Variants in HIP1 observed in about 807,000 individuals in gnomAD.
HIP1 encodes huntingtin interacting protein 1, also known as huntingtin-interacting protein 1.
In HIP1, 65 loss-of-function variants were observed where a neutral mutation model predicts 147.6. The ratio of observed to expected loss-of-function variants is 0.44; its 90% CI spans 0.36 to 0.54. The LOEUF is 0.54. Ranked by LOEUF, HIP1 falls within the 20% of genes least tolerant of loss-of-function variation. The pLI, the probability that HIP1 is intolerant of heterozygous loss-of-function variation, is 0.00. For missense variants in HIP1, 1,061 were observed against 1,299.6 expected (o/e 0.82, Z 2.82); for synonymous variants, 479 against 504.0 (o/e 0.95, Z 0.67).
intron 1 of HIP1, among the ~76,000 whole-genome samples, chr7:75,703,870 C>A (rs1421910192): frequency 6.6e-6 from 1 of 152,174 alleles, no homozygotes; most frequent in Non-Finnish European, 1.5e-5. Context: ...AAAGTTGAGA[C>A]CACTGACTGT....
At chr7:75,567,960 C>G (rs1554495879) in intron 9 of HIP1, among the ~76,000 whole-genome samples, 1 of 152,092 alleles carries the variant, frequency 6.6e-6, no homozygotes, top group Non-Finnish European at 1.5e-5. Flanking sequence ...AGGTGCATAC[C>G]ACCGTGCCCA....
Position 75,582,762 on chromosome 7 carries a change from G to A in HIP1, c.466-611C>T, listed in dbSNP as rs959247484. 2.6e-5 allele frequency among the ~76,000 whole-genome samples: 4 copies of A among 152,016 alleles called. No individual in the cohort carries two copies. In the East Asian group the frequency reaches 7.8e-4, roughly 29 times the overall value. On this transcript the variant is annotated intron_variant, in intron 5 of 30. Transcript: ENST00000336926. ...GCGGAGGTTGCAGTGAGCTGAGATC[G>A]CACCACTGCACTCCAGCCTGGGCAA...
intron 1 of HIP1, among the ~76,000 whole-genome samples, chr7:75,617,162 C>T (rs1448603904): frequency 6.6e-6 from 1 of 151,582 alleles, no homozygotes; most frequent in Non-Finnish European, 1.5e-5. Flanking sequence ...GCAACCTCCG[C>T]CTCCCCGGCT....
intron 1 of HIP1, among the ~76,000 whole-genome samples, chr7:75,682,988 AT>A (rs199607008): frequency 2.6e-4 from 39 of 147,390 alleles, no homozygotes; most frequent in Admixed American, 2.7e-4. Flanking sequence ...TTCACTTGAG[AT>A]TTTTTTTTTT....
chr7:75,547,792 C>T lies in HIP1; in HGVS notation c.2428G>A (p.Ala810Thr), dbSNP rs782368204. 1.2e-6 allele frequency: 2 copies of T among 1,613,800 alleles called. No homozygotes were observed. The highest frequency in any genetic ancestry group is 1.6e-4 in the Middle Eastern group (1 of 6,084). The change falls in exon 24 of 31, where the codon GCA (alanine) becomes ACA (threonine). Residue 810 changes from alanine to threonine, a missense_variant. Physicochemically the swap from Ala to Thr is moderately conservative, Grantham distance 58. Coordinates refer to ENST00000336926, the MANE Select transcript of HIP1 (RefSeq NM_005338.7). ...RIEEMLSKSRAGDTGVKLEVN... is the reference protein window; with the variant it reads ...RIEEMLSKSRTGDTGVKLEVN... ...TCCAATTTGACTCCTGTGTCTCCTG[C>T]TCGGGATTTGCTGAGCATCTCCTGT...
chr7:75,703,843 A>C (rs782140811), intron 1 of HIP1, among the ~76,000 whole-genome samples: 1 of 152,166 alleles, frequency 6.6e-6, no homozygotes, highest in Non-Finnish European at 1.5e-5. Context: ...GGATAAACAA[A>C]TCAGCTCTAA....
intron 1 of HIP1, among the ~76,000 whole-genome samples, chr7:75,628,764 C>T (rs1371117840): frequency 6.6e-6 from 1 of 152,198 alleles, no homozygotes; most frequent in African/African-American, 2.4e-5. Flanking sequence ...CAGGTATGAG[C>T]CACTGCATGC....
At chr7:75,698,034 G>T (rs10954317) in intron 1 of HIP1, among the ~76,000 whole-genome samples, 66,745 of 151,836 alleles carry the variant, frequency 0.44, 14,917 homozygotes, top group Admixed American at 0.5. Context: ...ACACTATGCT[G>T]CTCAAGCTGA....
intron 4 of HIP1, among the ~76,000 whole-genome samples, 167 bp from the exon 5 acceptor site, chr7:75,587,000 GCA>G: frequency 6.6e-6 from 1 of 152,096 alleles, no homozygotes. Flanking sequence ...GAGTGCAGTG[GCA>G]TGATCTCGGC....
At chr7:75,670,974 G>A (rs1327317625) in intron 1 of HIP1, among the ~76,000 whole-genome samples, 1 of 151,812 alleles carries the variant, frequency 6.6e-6, no homozygotes. Context: ...TCATATAACG[G>A]GAGTCATGCT....
chr7:75,589,176 A>C (rs368197730), intron 4 of HIP1, among the ~76,000 whole-genome samples: 30 of 151,966 alleles, frequency 2.0e-4, no homozygotes, highest in African/African-American at 7.2e-4. Context: ...AAGAAGAAGA[A>C]GAAGAAAAGA....
intron 1 of HIP1, among the ~76,000 whole-genome samples, chr7:75,656,931 G>A (rs782621155): frequency 6.6e-6 from 1 of 152,152 alleles, no homozygotes; most frequent in Non-Finnish European, 1.5e-5. Flanking sequence ...TATCCTAGAG[G>A]AATGTTCCCA....
chr7:75,556,755 T>C lies in HIP1; in HGVS notation c.1638A>G (p.Gln546=), dbSNP rs370144552. The change falls in exon 17 of 31, where the codon CAA becomes CAG. Residue 546 remains glutamine, a synonymous_variant. Coordinates refer to ENST00000336926, the MANE Select transcript of HIP1 (RefSeq NM_005338.7). Reference sequence around the variant, plus strand: ...TGCCTTGCAGAACCTGAAGCTCCCGTTGGCTTGTGGCAAGTTCCTGCTTCA... The same window carrying C: ...TGCCTTGCAGAACCTGAAGCTCCCGCTGGCTTGTGGCAAGTTCCTGCTTCA... ...ESLKQELATS[Q]RELQVLQGSL... The C allele has an allele frequency of 8.7e-6, 14 of 1,613,896 alleles. No individual in the cohort carries two copies. In the African/African-American group the frequency reaches 1.9e-4, roughly 22 times the overall value.
At chr7:75,632,343 T>C (rs1798255988) in intron 1 of HIP1, among the ~76,000 whole-genome samples, 1 of 152,082 alleles carries the variant, frequency 6.6e-6, no homozygotes, top group Admixed American at 6.5e-5. Context: ...TGAGATAAAA[T>C]CTTAGTGATC....
intron 1 of HIP1, among the ~76,000 whole-genome samples, chr7:75,652,303 C>T (rs868974461): frequency 1.1e-4 from 15 of 139,612 alleles, no homozygotes; most frequent in African/African-American, 3.3e-4. Context: ...GGTGACAGAG[C>T]GAGACTGTCT....
chr7:75,685,738 G>A (rs191850156), intron 1 of HIP1, among the ~76,000 whole-genome samples: 82 of 151,978 alleles, frequency 5.4e-4, no homozygotes, highest in African/African-American at 1.9e-3. Flanking sequence ...TAGTAGAGAC[G>A]GGTTTTTCCC....
intron 1 of HIP1, 97 bp from the exon 2 acceptor site, chr7:75,599,344 C>G: frequency 2.1e-6 from 2 of 930,472 alleles, no homozygotes; most frequent in Non-Finnish European, 3.5e-6. Context: ...TTCTCCTCCT[C>G]CAGCCAACCT....
intron 1 of HIP1, among the ~76,000 whole-genome samples, chr7:75,682,447 G>A (rs1404943872): frequency 1.3e-5 from 2 of 151,096 alleles, no homozygotes; most frequent in African/African-American, 4.9e-5. Flanking sequence ...TTTTCTAAAG[G>A]TGGGATCTCA....
chr7:75,675,891 G>A (rs1554515927), intron 1 of HIP1, among the ~76,000 whole-genome samples: 1 of 152,082 alleles, frequency 6.6e-6, no homozygotes, highest in African/African-American at 2.4e-5. Context: ...TAAGGAAGGA[G>A]GATCACTTAA....
Sources: gnomAD v4.1 joint callset for allele counts (sites outside exome capture counted in the v4.1 genomes callset) on GRCh38, gnomAD v4.1.1 for gene constraint, MANE v1.5 for transcripts, NCBI Gene and HGNC (gene_info 2026-07-23, HGNC 2026-07-21) for gene names.